ITGBL1: variants seen among roughly 807,000 people sequenced by gnomAD.
ITGBL1 encodes integrin beta-like protein 1.
A neutral mutation model predicts 68.5 loss-of-function variants in ITGBL1; 51 were observed. The ratio of observed to expected loss-of-function variants is 0.74; its 90% CI spans 0.59 to 0.94. The LOEUF is 0.94. Among genes scored for constraint, ITGBL1 ranks in the 40% least tolerant of loss-of-function variants. The pLI is 0.00. For synonymous variants in ITGBL1, 209 were observed against 227.3 expected (o/e 0.92, Z 0.72); for missense variants, 649 against 647.4 (o/e 1.00, Z -0.03).
At chr13:101,654,427 G>A (rs2032857510) in intron 7 of ITGBL1, among the ~76,000 whole-genome samples, 1 of 152,198 alleles carries the variant, frequency 6.6e-6, no homozygotes, top group African/African-American at 2.4e-5. Flanking sequence ...GAAGATGATG[G>A]TGGCTTAGAC....
intron 2 of ITGBL1, among the ~76,000 whole-genome samples, chr13:101,485,042 T>G (rs2048681416): frequency 6.6e-6 from 1 of 152,192 alleles, no homozygotes; most frequent in Admixed American, 6.5e-5. Context: ...CAGATTTCTC[T>G]TATTTCAAAG....
chr13:101,453,925 G>C lies in ITGBL1; in HGVS notation c.141G>C (p.Ser47=), dbSNP rs2297700. 582,618 of 1,346,460 alleles carry C rather than the reference G, an allele frequency of 0.43. 130,586 individuals are homozygous for C. Among genetic ancestry groups the C allele is most frequent in the Non-Finnish European group, 0.46 (483,427 of 1,047,394 alleles). The allele number at this position is 1,346,460 out of a possible 1,614,324, so 83.4% of individuals were successfully genotyped here. Residue 47 remains serine, a synonymous_variant, in exon 2 of 11, where the codon TCG becomes TCC. Coordinates refer to ENST00000376180, the MANE Select transcript of ITGBL1 (RefSeq NM_004791.3). ...GAACRLSRAE[S]ERRCRAPGQP... ...CCTGCAGGCTGTCCCGGGCCGAGTC[G>C]GAGCGACGCTGCCGCGCACCTGGGC...
chr13:101,611,203 A>G (rs543539392), intron 7 of ITGBL1, among the ~76,000 whole-genome samples: 102 of 152,278 alleles, frequency 6.7e-4, no homozygotes, highest in African/African-American at 2.3e-3. Context: ...TATGAGGTTA[A>G]TTGTTAGTAA....
At chr13:101,671,404 T>C (rs1024172872) in intron 7 of ITGBL1, among the ~76,000 whole-genome samples, 10 of 151,482 alleles carry the variant, frequency 6.6e-5, no homozygotes, top group Admixed American at 2.6e-4. Context: ...AATTTACAGC[T>C]ATTTGACAAA....
At chr13:101,512,573 G>T (rs1344083618) in intron 2 of ITGBL1, among the ~76,000 whole-genome samples, 1 of 152,126 alleles carries the variant, frequency 6.6e-6, no homozygotes, top group Non-Finnish European at 1.5e-5. Flanking sequence ...CCTCATCAAA[G>T]ATTTAGGACT....
At chr13:101,476,382 A>G (rs1417426044) in intron 2 of ITGBL1, among the ~76,000 whole-genome samples, 1 of 152,154 alleles carries the variant, frequency 6.6e-6, no homozygotes, top group Non-Finnish European at 1.5e-5. Flanking sequence ...ATCAGAAAAA[A>G]TAATCTTCAC....
chr13:101,715,781 G>T lies in ITGBL1; in HGVS notation c.*127G>T. On this transcript the variant is annotated 3_prime_UTR_variant, in exon 11 of 11. Transcript: ENST00000376180. ...GACCATTGTATGTTTTTCTATTTCT[G>T]AATTACGAATGAAATCCGAGTACCT... The T allele has an allele frequency of 1.8e-6, 1 of 565,660 alleles. No individual in the cohort carries two copies. Among genetic ancestry groups the T allele is most frequent in the Admixed American group, 2.9e-5 (1 of 33,940 alleles). 35.0% of individuals were successfully genotyped at this position (565,660 alleles called of 1,614,324 possible). A position where few individuals can be genotyped will look rare whatever the true frequency, so the allele number is the denominator to read the frequency against.
At chr13:101,590,182 C>T (rs1313433224) in intron 6 of ITGBL1, among the ~76,000 whole-genome samples, 1 of 152,108 alleles carries the variant, frequency 6.6e-6, no homozygotes, top group Non-Finnish European at 1.5e-5. Flanking sequence ...GATAGGATTC[C>T]AACTTTAAAA....
At chr13:101,718,262 C>G (rs1344181089), downstream of ITGBL1, 1 of 151,760 alleles carries the variant, frequency 6.6e-6, no homozygotes, top group Non-Finnish European at 1.5e-5. Flanking sequence ...GGTTTTGATG[C>G]CAGCAATGCA....
At chr13:101,608,461 G>C (rs1265609015) in intron 7 of ITGBL1, among the ~76,000 whole-genome samples, 1 of 151,446 alleles carries the variant, frequency 6.6e-6, no homozygotes, top group African/African-American at 2.4e-5. Flanking sequence ...TGTTTACAGA[G>C]AGTTTATTTA....
intron 7 of ITGBL1, among the ~76,000 whole-genome samples, chr13:101,665,878 A>C (rs2033202749): frequency 6.6e-6 from 1 of 152,184 alleles, no homozygotes; most frequent in South Asian, 2.1e-4. Context: ...TACACACACA[A>C]AAATATATAT....
At chr13:101,709,343 G>GAGT in intron 9 of ITGBL1, among the ~76,000 whole-genome samples, 2 of 130,632 alleles carry the variant, frequency 1.5e-5, no homozygotes, top group African/African-American at 6.1e-5. Flanking sequence ...CCGCAGTCCG[G>GAGT]CCTGGGTGAC....
At chr13:101,639,118 C>T (rs1276644399) in intron 7 of ITGBL1, among the ~76,000 whole-genome samples, 1 of 152,162 alleles carries the variant, frequency 6.6e-6, no homozygotes, top group African/African-American at 2.4e-5. Flanking sequence ...GAGCCCACAT[C>T]TACACATCAA....
chr13:101,560,661 T>A (rs1482556213), intron 2 of ITGBL1, among the ~76,000 whole-genome samples: 2 of 152,234 alleles, frequency 1.3e-5, no homozygotes, highest in Non-Finnish European at 2.9e-5. Flanking sequence ...CCTCAAAAGT[T>A]ATGCATTACA....
At chr13:101,498,621 G>T (rs754956093) in intron 2 of ITGBL1, among the ~76,000 whole-genome samples, 6 of 152,096 alleles carry the variant, frequency 3.9e-5, no homozygotes, top group African/African-American at 7.2e-5. Context: ...CAAGCATTCA[G>T]TTTAAAAAAT....
At chr13:101,522,934 C>T (rs1042866341) in intron 2 of ITGBL1, among the ~76,000 whole-genome samples, 5 of 152,184 alleles carry the variant, frequency 3.3e-5, no homozygotes, top group African/African-American at 1.2e-4. Context: ...GGTTACATCG[C>T]TGCAGGCAAA....
intron 2 of ITGBL1, among the ~76,000 whole-genome samples, chr13:101,498,963 T>C (rs1371597726): frequency 1.3e-5 from 2 of 152,038 alleles, no homozygotes; most frequent in Non-Finnish European, 2.9e-5. Flanking sequence ...TATAAAACCA[T>C]CAGATCTCAT....
chr13:101,651,825 T>G (rs1566775967), intron 7 of ITGBL1, among the ~76,000 whole-genome samples: 1 of 152,190 alleles, frequency 6.6e-6, no homozygotes, highest in Non-Finnish European at 1.5e-5. Flanking sequence ...AAGTCTTTAA[T>G]CCATCCTGAG....
At chr13:101,647,815 G>GT (rs997361843) in intron 7 of ITGBL1, among the ~76,000 whole-genome samples, 19 of 152,132 alleles carry the variant, frequency 1.2e-4, no homozygotes, top group African/African-American at 2.9e-4. Flanking sequence ...TTCCACCCTG[G>GT]TTTTTTTCTC....
Sources: gnomAD v4.1 joint callset for allele counts (sites outside exome capture counted in the v4.1 genomes callset) on GRCh38, gnomAD v4.1.1 for gene constraint, MANE v1.5 for transcripts, NCBI Gene and HGNC (gene_info 2026-07-23, HGNC 2026-07-21) for gene names.